Variants in HAS3 observed in about 807,000 individuals in gnomAD.
HAS3 encodes HA synthase 3.
A neutral mutation model predicts 50.3 loss-of-function variants in HAS3; 27 were observed. The observed-to-expected ratio is 0.54, with a 90% CI of 0.40 to 0.74. HAS3 has a LOEUF of 0.74. HAS3 is among the 30% of genes least tolerant of loss of function. The probability of loss-of-function intolerance (pLI) is 0.00; values close to 1 mark genes in which losing one functional copy is unlikely to be tolerated. For missense variants in HAS3, 517 were observed against 742.8 expected, an observed-to-expected ratio of 0.70 and a Z score of 3.53; for synonymous variants, 339 against 310.9, an observed-to-expected ratio of 1.09 and a Z score of -0.95.
Position 69,107,750 on chromosome 16 carries a change from A to T in HAS3, c.1-1646A>T. The T allele has an allele frequency of 1.1e-6, 1 of 951,338 alleles. No homozygotes were observed. 58.9% of individuals were successfully genotyped at this position (951,338 alleles called of 1,614,324 possible). Reference sequence around the variant, plus strand: ...CTAGGCTGCGGATGCAGGCCTGGGGACTCCTGGGCCGCAGGCGCGAGCAGT... The same window carrying T: ...CTAGGCTGCGGATGCAGGCCTGGGGTCTCCTGGGCCGCAGGCGCGAGCAGT... On this transcript the variant is annotated intron_variant, in intron 1 of 3. Transcript: ENST00000569188. This position sits in a 1 kb window ranked among gnomAD's most constrained non-coding sequence, Gnocchi z 5.5.
chr16:69,105,489 G>C (rs1960766086), upstream of HAS3: 1 of 152,184 alleles, frequency 6.6e-6, no homozygotes, highest in South Asian at 2.1e-4. Context: ...AAAAGAAGAG[G>C]AGGAATTGTT....
upstream of HAS3, among the ~76,000 whole-genome samples, chr16:69,101,410 CG>C (rs1166945400): frequency 6.6e-6 from 1 of 152,042 alleles, no homozygotes; most frequent in African/African-American, 2.4e-5. Flanking sequence ...AAGGGATTCT[CG>C]TGCCTTAGCC....
chr16:69,118,287 C>A, downstream of HAS3: 1 of 1,015,398 alleles, frequency 9.8e-7, no homozygotes, highest in Non-Finnish European at 1.6e-6. Flanking sequence ...CCCAGTCAGT[C>A]AAGCAGAAAC....
At chr16:69,087,807 A>T in the HAS3 span, among the ~76,000 whole-genome samples, 1 of 150,250 alleles carries the variant, frequency 6.7e-6, no homozygotes, top group Non-Finnish European at 1.5e-5. Context: ...GGTTCAAGCA[A>T]TTCTCCTGCC....
At position 69,115,516 on chromosome 16, in the gene HAS3, A is replaced by G. The variant is rs1435091685; in HGVS notation, c.*250A>G. 8.2e-7 allele frequency: 1 copy of G among 1,224,894 alleles called. No individual in the cohort carries two copies. Among genetic ancestry groups the G allele is most frequent in the Admixed American group, 3.9e-5 (1 of 25,552 alleles). The allele number at this position is 1,224,894 out of a possible 1,614,324, so 75.9% of individuals were successfully genotyped here. A position where few individuals can be genotyped will look rare whatever the true frequency, so the allele number is the denominator to read the frequency against. On this transcript the variant is annotated 3_prime_UTR_variant, in exon 4 of 4. Coordinates refer to ENST00000569188, the MANE Select transcript of HAS3 (RefSeq NM_001199280.2). Reference sequence around the variant, plus strand: ...GTTTTCAGACTGCCTGTCTGCTTGCATCTGCACATAGGCAGTAGCCTCCTC... The same window carrying G: ...GTTTTCAGACTGCCTGTCTGCTTGCGTCTGCACATAGGCAGTAGCCTCCTC...
chr16:69,089,059 C>T, the HAS3 span, among the ~76,000 whole-genome samples: 1 of 152,172 alleles, frequency 6.6e-6, no homozygotes, highest in Non-Finnish European at 1.5e-5. Context: ...GTTTCAGCTC[C>T]TCTTCTCTGG....
At chr16:69,118,199 C>T, downstream of HAS3, 1 of 392,998 alleles carries the variant, frequency 2.5e-6, no homozygotes, top group Non-Finnish European at 4.9e-6. Flanking sequence ...ATTGGGAGTA[C>T]CAGTGAAGAG....
At chr16:69,083,930 A>C in the HAS3 span, 1 of 295,472 alleles carries the variant, frequency 3.4e-6, no homozygotes, top group East Asian at 6.3e-5. Context: ...TCTAGCATTG[A>C]AAGAAGGATG....
downstream of HAS3, chr16:69,118,029 TAAAG>T (rs1395777100): frequency 3.6e-5 from 13 of 360,484 alleles, no homozygotes; most frequent in Non-Finnish European, 5.7e-5. Flanking sequence ...TCCCATTTAT[TAAAG>T]AAACAGTAAG....
At chr16:69,118,222 G>A (rs1961309503), downstream of HAS3, 1 of 619,492 alleles carries the variant, frequency 1.6e-6, no homozygotes, top group Admixed American at 2.3e-5. Flanking sequence ...AGTTGGATGA[G>A]TAGAGGGGCC....
chr16:69,089,259 A>G, the HAS3 span, among the ~76,000 whole-genome samples: 13 of 152,356 alleles, frequency 8.5e-5, no homozygotes, highest in Middle Eastern at 3.4e-3. Flanking sequence ...AAGTGGATCA[A>G]TTGATAAGTC....
At position 69,107,837 on chromosome 16, in the gene HAS3, C is replaced by A; in HGVS notation, c.1-1559C>A. 3 of 497,858 alleles carry A rather than the reference C, an allele frequency of 6.0e-6. No homozygotes were observed. The highest frequency in any genetic ancestry group is 7.8e-6 in the Non-Finnish European group (3 of 383,838). The allele number at this position is 497,858 out of a possible 1,614,324, so 30.8% of individuals were successfully genotyped here. On this transcript the variant is annotated intron_variant, in intron 1 of 3. Coordinates refer to ENST00000569188, the MANE Select transcript of HAS3 (RefSeq NM_001199280.2). This position sits in a 1 kb window ranked among gnomAD's most constrained non-coding sequence, Gnocchi z 5.5. ...GAAGCACACGGCGGGCTCCCCGGGA[C>A]GGTGGGGCAGAGCGCCCGGAGGCCG...
At chr16:69,086,544 G>T in the HAS3 span, among the ~76,000 whole-genome samples, 3 of 151,874 alleles carry the variant, frequency 2.0e-5, no homozygotes, top group African/African-American at 7.3e-5. Context: ...GTGTGTGTGT[G>T]TGTGTGTGTG....
the HAS3 span, among the ~76,000 whole-genome samples, chr16:69,092,994 T>G: frequency 6.6e-6 from 1 of 152,178 alleles, no homozygotes; most frequent in Admixed American, 6.5e-5. Context: ...AGGCTTCTTT[T>G]GTAGAGTGGC....
At position 69,107,669 on chromosome 16, in the gene HAS3, G is replaced by T. The variant is rs1960853318; in HGVS notation, c.1-1727G>T. The T allele has an allele frequency of 3.0e-6, 3 of 985,590 alleles. No individual in the cohort carries two copies. Among genetic ancestry groups the T allele is most frequent in the South Asian group, 9.4e-5 (2 of 21,288 alleles). The allele number at this position is 985,590 out of a possible 1,614,324, so 61.1% of individuals were successfully genotyped here. A position where few individuals can be genotyped will look rare whatever the true frequency, so the allele number is the denominator to read the frequency against. ...CCCTACCCAGAGCGCAGGCAGGCAG[G>T]GGGGTCCCGCCGCGCCCCTTCAGCA... On this transcript the variant is annotated intron_variant, in intron 1 of 3. Transcript: ENST00000569188. The surrounding 1 kb of genome is among the most constrained non-coding windows in gnomAD (Gnocchi z 5.5).
At position 69,107,636 on chromosome 16, in the gene HAS3, C is replaced by G; in HGVS notation, c.1-1760C>G. The G allele has an allele frequency of 1.0e-6, 1 of 985,498 alleles. No individual in the cohort carries two copies. The highest frequency in any genetic ancestry group is 1.2e-6 in the Non-Finnish European group (1 of 829,982). The allele number at this position is 985,498 out of a possible 1,614,324, so 61.0% of individuals were successfully genotyped here. On this transcript the variant is annotated intron_variant, in intron 1 of 3. Coordinates refer to ENST00000569188, the MANE Select transcript of HAS3 (RefSeq NM_001199280.2). This position sits in a 1 kb window ranked among gnomAD's most constrained non-coding sequence, Gnocchi z 5.5. The stretch of plus-strand genomic sequence containing the variant: ...CCAGGTTGCTGGGCTGGCCTTGGCG[C>G]CCCCTTCCCCTACCCAGAGCGCAGG...
the HAS3 span, among the ~76,000 whole-genome samples, chr16:69,088,977 C>T: frequency 1.3e-5 from 2 of 152,008 alleles, no homozygotes; most frequent in Admixed American, 6.6e-5. Flanking sequence ...GTTTTTTCCC[C>T]TCCATAAAAA....
At chr16:69,085,662 C>T in the HAS3 span, among the ~76,000 whole-genome samples, 1 of 151,590 alleles carries the variant, frequency 6.6e-6, no homozygotes, top group African/African-American at 2.4e-5. Flanking sequence ...AACCTTGGCT[C>T]ACTGCAACCT....
intron 2 of HAS3, among the ~76,000 whole-genome samples, chr16:69,111,157 ATTTTT>A (rs71148963): frequency 1.7e-3 from 104 of 62,282 alleles, no homozygotes; most frequent in African/African-American, 5.3e-3. Context: ...CTAGGCCAGG[ATTTTT>A]TTTTTTTTTT....
Sources: allele counts gnomAD v4.1 joint callset (sites outside exome capture counted in the v4.1 genomes callset), GRCh38; gene constraint gnomAD v4.1.1; non-coding constraint Gnocchi (gnomAD v3.1); transcripts MANE v1.5; gene names NCBI Gene and HGNC (gene_info 2026-07-23, HGNC 2026-07-21).